Variants in NKAIN2 observed in about 807,000 individuals in gnomAD.
NKAIN2 encodes the protein sodium/potassium transporting ATPase interacting 2, also known as sodium/potassium-transporting ATPase subunit beta-1-interacting protein 2.
NKAIN2 carries 14 observed loss-of-function variants against 32.6 expected under a neutral mutation model. The observed-to-expected ratio is 0.43, with a 90% CI of 0.28 to 0.67. The LOEUF (loss-of-function observed/expected upper bound fraction) is 0.67, where lower values mean the gene tolerates loss of function less well. Among genes scored for constraint, NKAIN2 ranks in the 30% least tolerant of loss-of-function variants. The pLI is 0.17. For missense variants in NKAIN2, 198 were observed against 258.3 expected (o/e 0.77, Z 1.60); for synonymous variants, 80 against 87.2 (o/e 0.92, Z 0.46).
intron 3 of NKAIN2, among the ~76,000 whole-genome samples, chr6:124,592,540 G>C (rs149015704): frequency 1.3e-5 from 2 of 152,190 alleles, no homozygotes; most frequent in Non-Finnish European, 2.9e-5. Flanking sequence ...GAAAGCTAAA[G>C]TATGCCTGGG....
chr6:123,853,662 G>A (rs1775441480), intron 1 of NKAIN2, among the ~76,000 whole-genome samples: 1 of 151,682 alleles, frequency 6.6e-6, no homozygotes, highest in Non-Finnish European at 1.5e-5. Context: ...CAGGAGGAAT[G>A]ACAAAAAGGG....
chr6:123,957,765 T>C (rs2114603270), intron 1 of NKAIN2, among the ~76,000 whole-genome samples: 1 of 152,260 alleles, frequency 6.6e-6, no homozygotes, highest in East Asian at 1.9e-4. Flanking sequence ...AATTAATGTA[T>C]TACCCAAAAA....
intron 1 of NKAIN2, among the ~76,000 whole-genome samples, chr6:124,132,379 G>C (rs969385743): frequency 2.0e-5 from 3 of 152,166 alleles, no homozygotes; most frequent in Non-Finnish European, 4.4e-5. Context: ...TTATGGCCCT[G>C]CCCATCACCT....
chr6:123,959,761 T>C (rs1458771298), intron 1 of NKAIN2, among the ~76,000 whole-genome samples: 2 of 151,770 alleles, frequency 1.3e-5, no homozygotes, highest in African/African-American at 4.8e-5. Flanking sequence ...CTAGAAGACA[T>C]GTCTCATGAT....
At chr6:124,023,003 C>T (rs909783710) in intron 1 of NKAIN2, among the ~76,000 whole-genome samples, 7 of 150,640 alleles carry the variant, frequency 4.6e-5, no homozygotes, top group East Asian at 1.9e-4. Flanking sequence ...CTAAACTTTT[C>T]GGTTAAAGAT....
rs548362021 is a variant in NKAIN2 at position 123,979,586 on chromosome 6, G to A, written c.54+175332G>A. Among the ~76,000 whole-genome samples the A allele has an allele frequency of 9.9e-5, 15 of 152,130 alleles. No individual in the cohort carries two copies. The South Asian group carries it at 2.7e-3, about 27-fold the overall frequency. Reference sequence around the variant, plus strand: ...CTCTGTAGCCATTTATTTGGTTTTCGATTTAAGAAGACCCGCACCTGACTG... The same window carrying A: ...CTCTGTAGCCATTTATTTGGTTTTCAATTTAAGAAGACCCGCACCTGACTG... On this transcript the variant is annotated intron_variant, in intron 1 of 6. Transcript: ENST00000368417.
intron 1 of NKAIN2, among the ~76,000 whole-genome samples, chr6:123,863,591 T>C (rs1197220057): frequency 6.6e-6 from 1 of 152,184 alleles, no homozygotes; most frequent in Non-Finnish European, 1.5e-5. Flanking sequence ...TTAGTGATAA[T>C]TGGCAGGAAA....
chr6:124,342,049 A>G (rs576571060), intron 2 of NKAIN2, among the ~76,000 whole-genome samples: 1 of 152,282 alleles, frequency 6.6e-6, no homozygotes, highest in Non-Finnish European at 1.5e-5. Flanking sequence ...ACAAACGGTA[A>G]ATATTGTCCT....
chr6:123,859,184 C>A (rs865816568), intron 1 of NKAIN2, among the ~76,000 whole-genome samples: 1 of 152,064 alleles, frequency 6.6e-6, no homozygotes, highest in African/African-American at 2.4e-5. Context: ...CAAATAGAAG[C>A]TATTCTTTTG....
At chr6:124,495,890 A>G (rs1395003646) in intron 3 of NKAIN2, among the ~76,000 whole-genome samples, 5 of 152,024 alleles carry the variant, frequency 3.3e-5, no homozygotes, top group African/African-American at 1.2e-4. Flanking sequence ...GCCTTTTGAG[A>G]TGTTGGTGAA....
At chr6:124,049,224 A>C (rs1303257207) in intron 1 of NKAIN2, among the ~76,000 whole-genome samples, 1 of 152,084 alleles carries the variant, frequency 6.6e-6, no homozygotes. Context: ...CACATGGCTT[A>C]GCCTTGTTTC....
intron 1 of NKAIN2, among the ~76,000 whole-genome samples, chr6:123,946,069 C>G (rs1218082610): frequency 6.6e-6 from 1 of 152,020 alleles, no homozygotes; most frequent in Non-Finnish European, 1.5e-5. Flanking sequence ...ATTTGAAAAT[C>G]TGTAACCACC....
At chr6:123,932,406 C>CTTTTTTTTTTTT (rs57063550) in intron 1 of NKAIN2, among the ~76,000 whole-genome samples, 53 of 104,426 alleles carry the variant, frequency 5.1e-4, no homozygotes, top group East Asian at 2.5e-3. Flanking sequence ...TTCTGTCTTT[C>CTTTTTTTTTTTT]TTTTTTTTTT....
chr6:124,034,621 T>G (rs935782084), intron 1 of NKAIN2, among the ~76,000 whole-genome samples: 2 of 152,108 alleles, frequency 1.3e-5, no homozygotes, highest in Admixed American at 1.3e-4. Flanking sequence ...CTTCTTTTCC[T>G]TTGAGTAGAT....
intron 3 of NKAIN2, among the ~76,000 whole-genome samples, chr6:124,511,841 C>G (rs573094129): frequency 6.6e-6 from 1 of 152,274 alleles, no homozygotes; most frequent in Non-Finnish European, 1.5e-5. Flanking sequence ...CCTAACCCAG[C>G]AGCTGAGTAC....
At chr6:124,037,698 G>T (rs1221427721) in intron 1 of NKAIN2, among the ~76,000 whole-genome samples, 1 of 152,034 alleles carries the variant, frequency 6.6e-6, no homozygotes, top group African/African-American at 2.4e-5. Context: ...ACATTTGTCC[G>T]AAGACTACAG....
intron 2 of NKAIN2, among the ~76,000 whole-genome samples, chr6:124,324,075 G>A (rs1797317941): frequency 6.6e-6 from 1 of 152,128 alleles, no homozygotes. Flanking sequence ...ACAGGCATGA[G>A]TCACTGCACC....
At chr6:123,827,216 A>C (rs988453165) in intron 1 of NKAIN2, among the ~76,000 whole-genome samples, 1 of 152,118 alleles carries the variant, frequency 6.6e-6, no homozygotes, top group Non-Finnish European at 1.5e-5. Flanking sequence ...CATTGACAAA[A>C]ACATTGTTCT....
intron 3 of NKAIN2, among the ~76,000 whole-genome samples, chr6:124,532,242 GGA>G (rs1779551863): frequency 6.6e-6 from 1 of 152,104 alleles, no homozygotes; most frequent in South Asian, 2.1e-4. Flanking sequence ...CTTACAATGT[GGA>G]GTTAACACTG....
Sources: allele counts gnomAD v4.1 joint callset (sites outside exome capture counted in the v4.1 genomes callset), GRCh38; gene constraint gnomAD v4.1.1; transcripts MANE v1.5; gene names NCBI Gene and HGNC (gene_info 2026-07-23, HGNC 2026-07-21).